Variants in THSD7A observed in about 807,000 individuals in gnomAD.
The protein encoded by THSD7A is thrombospondin type-1 domain-containing protein 7A.
A neutral mutation model predicts 231.3 loss-of-function variants in THSD7A; 96 were observed. The observed-to-expected ratio is 0.41, with a 90% confidence interval of 0.35 to 0.49. THSD7A has a LOEUF of 0.49. THSD7A is among the 20% of genes least tolerant of loss of function. The pLI is 0.05. For missense variants in THSD7A, 2,290 were observed against 2,070.2 expected (o/e 1.11, Z -2.06); for synonymous variants, 940 against 743.3 (o/e 1.26, Z -4.30).
intron 1 of THSD7A, among the ~76,000 whole-genome samples, chr7:11,701,420 C>T (rs150688651): frequency 8.6e-5 from 13 of 151,208 alleles, no homozygotes; most frequent in Admixed American, 5.3e-4. Context: ...TTGTGCCATC[C>T]TTGAATTTTT....
chr7:11,589,784 C>T (rs1471666236), intron 4 of THSD7A, among the ~76,000 whole-genome samples: 1 of 152,090 alleles, frequency 6.6e-6, no homozygotes, highest in African/African-American at 2.4e-5. Flanking sequence ...TACACTTAAT[C>T]AAATAATTAT....
chr7:11,653,123 C>G (rs1267307921), intron 1 of THSD7A, among the ~76,000 whole-genome samples: 2 of 151,870 alleles, frequency 1.3e-5, no homozygotes, highest in African/African-American at 4.8e-5. Flanking sequence ...CTTTCAACAA[C>G]CCTGCCATAC....
At chr7:11,792,354 C>T (rs552197422) in intron 1 of THSD7A, among the ~76,000 whole-genome samples, 1 of 152,062 alleles carries the variant, frequency 6.6e-6, no homozygotes, top group East Asian at 1.9e-4. Flanking sequence ...GCTGAAAAGT[C>T]CTTGATGGCT....
intron 8 of THSD7A, among the ~76,000 whole-genome samples, chr7:11,470,638 C>A (rs1221064774): frequency 6.6e-6 from 1 of 151,488 alleles, no homozygotes; most frequent in African/African-American, 2.4e-5. Flanking sequence ...TTCCATTAGT[C>A]CCTAGTTTTA....
chr7:11,425,704 G>A (rs1468244), intron 15 of THSD7A, among the ~76,000 whole-genome samples: 73,077 of 150,962 alleles, frequency 0.48, 19,631 homozygotes, highest in African/African-American at 0.73. Context: ...TTTCTAATCT[G>A]TGATAGTCCA....
intron 6 of THSD7A, among the ~76,000 whole-genome samples, chr7:11,522,504 TTTTCA>T (rs1788308169): frequency 6.6e-6 from 1 of 152,220 alleles, no homozygotes; most frequent in African/African-American, 2.4e-5. Context: ...GGGTTTTATC[TTTTCA>T]TTTGACTGCT....
At chr7:11,778,156 C>CAAAAAAAAAAAAA (rs57740181) in intron 1 of THSD7A, among the ~76,000 whole-genome samples, 22 of 45,032 alleles carry the variant, frequency 4.9e-4, no homozygotes, top group African/African-American at 9.8e-4. Context: ...GACTCCGTCT[C>CAAAAAAAAAAAAA]AAAAAAAAAA....
intron 1 of THSD7A, among the ~76,000 whole-genome samples, chr7:11,777,464 T>C (rs1439368623): frequency 6.8e-6 from 1 of 146,666 alleles, no homozygotes; most frequent in Admixed American, 6.8e-5. Flanking sequence ...CACACACTCT[T>C]TAACTGGCAG....
At chr7:11,744,588 C>A (rs1403812052) in intron 1 of THSD7A, among the ~76,000 whole-genome samples, 2 of 139,570 alleles carry the variant, frequency 1.4e-5, no homozygotes, top group African/African-American at 5.4e-5. Context: ...GCTATCCTTC[C>A]CCCCTCCCCC....
chr7:11,709,736 A>T (rs1231841780), intron 1 of THSD7A, among the ~76,000 whole-genome samples: 1 of 150,924 alleles, frequency 6.6e-6, no homozygotes, highest in Non-Finnish European at 1.5e-5. Context: ...ATCAACAGAA[A>T]AATAAATACT....
chr7:11,675,407 G>A (rs111244213), intron 1 of THSD7A, among the ~76,000 whole-genome samples: 5 of 152,064 alleles, frequency 3.3e-5, no homozygotes, highest in Admixed American at 2.0e-4. Context: ...GAATGCTAGC[G>A]AGACAGAACG....
At chr7:11,509,555 G>A (rs867725382) in intron 6 of THSD7A, among the ~76,000 whole-genome samples, 44 of 151,972 alleles carry the variant, frequency 2.9e-4, no homozygotes, top group East Asian at 1.9e-4. Flanking sequence ...AGATAAGGCC[G>A]GGCGCGGTGG....
intron 1 of THSD7A, among the ~76,000 whole-genome samples, chr7:11,681,461 A>T (rs1243688376): frequency 6.6e-6 from 1 of 152,120 alleles, no homozygotes; most frequent in Non-Finnish European, 1.5e-5. Flanking sequence ...TTCAGAATAC[A>T]GCTGGAAGCC....
chr7:11,821,320 T>C, intron 1 of THSD7A: 1 of 769,248 alleles, frequency 1.3e-6, no homozygotes, highest in Non-Finnish European at 2.4e-6. Context: ...AGTTTTGTTC[T>C]TAATTTCATT....
intron 1 of THSD7A, among the ~76,000 whole-genome samples, chr7:11,715,927 C>T (rs1446527065): frequency 1.3e-5 from 2 of 151,510 alleles, no homozygotes; most frequent in African/African-American, 4.8e-5. Context: ...GCAACATTTT[C>T]ATTAAGGTAC....
intron 1 of THSD7A, among the ~76,000 whole-genome samples, chr7:11,638,060 T>C (rs1423756500): frequency 6.6e-6 from 1 of 152,198 alleles, no homozygotes; most frequent in African/African-American, 2.4e-5. Context: ...GGGTGGGCTC[T>C]AGTGCCCCTC....
chr7:11,685,502 T>C (rs1780011246), intron 1 of THSD7A, among the ~76,000 whole-genome samples: 1 of 151,934 alleles, frequency 6.6e-6, no homozygotes, highest in South Asian at 2.1e-4. Flanking sequence ...ATCCAGAGTC[T>C]GCAAGGAACT....
intron 17 of THSD7A, chr7:11,413,712 G>T (rs1783865344): frequency 6.6e-6 from 1 of 152,182 alleles, no homozygotes; most frequent in Non-Finnish European, 1.5e-5. Context: ...TTCTGCTAAG[G>T]TGTAGACATA....
chr7:11,703,979 C>T (rs2128145818), intron 1 of THSD7A, among the ~76,000 whole-genome samples: 1 of 151,188 alleles, frequency 6.6e-6, no homozygotes, highest in African/African-American at 2.4e-5. Flanking sequence ...GAGTTGAAAA[C>T]AAAATAGGTT....
Sources: allele counts gnomAD v4.1 joint callset (sites outside exome capture counted in the v4.1 genomes callset), GRCh38; gene constraint gnomAD v4.1.1; transcripts MANE v1.5; gene names NCBI Gene and HGNC (gene_info 2026-07-23, HGNC 2026-07-21).